The following DENND4C variants were observed in gnomAD, a reference collection of about 807,000 sequenced individuals.
The protein encoded by DENND4C is DENN domain containing 4C.
DENND4C carries 108 observed loss-of-function variants against 203.0 expected under a neutral mutation model. The observed-to-expected ratio is 0.53, with a 90% confidence interval of 0.46 to 0.62. The LOEUF is 0.62. Ranked by LOEUF, DENND4C falls within the 20% of genes least tolerant of loss-of-function variation. DENND4C has a pLI of 0.00. For synonymous variants in DENND4C, 871 were observed against 792.4 expected (o/e 1.10, Z -1.67); for missense variants, 2,481 against 2,301.2 (o/e 1.08, Z -1.60).
At chr9:19,266,021 G>C (rs1323223711) in intron 1 of DENND4C, among the ~76,000 whole-genome samples, 2 of 152,162 alleles carry the variant, frequency 1.3e-5, no homozygotes, top group African/African-American at 4.8e-5. Flanking sequence ...GATCCTTGAG[G>C]AATCGCCACA....
At chr9:19,280,769 T>G (rs898346873) in intron 2 of DENND4C, among the ~76,000 whole-genome samples, 1 of 152,064 alleles carries the variant, frequency 6.6e-6, no homozygotes, top group African/African-American at 2.4e-5. Flanking sequence ...AGACAGTGTC[T>G]CACTGTGGTT....
rs184046911 is a variant in DENND4C, at chr9:19,290,807, G to C, written c.732G>C (p.Trp244Cys). 4.6e-5 allele frequency: 75 copies of C among 1,613,236 alleles called. No individual in the cohort carries two copies. The highest frequency in any genetic ancestry group is 8.5e-6 in the Non-Finnish European group (10 of 1,179,550). The change falls in exon 5 of 33, where the codon TGG becomes TGC. Residue 244 changes from tryptophan (W) to cysteine (C), a missense_variant. Trp to Cys is a radical substitution (Grantham distance 215). Transcript: ENST00000434457. The stretch of plus-strand genomic sequence containing the variant: ...CTATGGGAGCTACTATTGAGTGCTG[G>C]GATCCTGAAACCAAATATCCACTTC... ...CLPMGATIEC[W>C]DPETKYPLPV...
chr9:19,263,569 A>G (rs1829857286), intron 1 of DENND4C, among the ~76,000 whole-genome samples: 1 of 151,368 alleles, frequency 6.6e-6, no homozygotes, highest in South Asian at 2.1e-4. Context: ...CTGTTGGCCA[A>G]GCTGGTCTTG....
In DENND4C at chr9:19,328,045, A is replaced by G. The variant is rs1818194054; in HGVS notation, c.2136A>G (p.Pro712=). 1 of 1,603,896 alleles carries G rather than the reference A, an allele frequency of 6.2e-7. No homozygotes were observed. The highest frequency in any genetic ancestry group is 1.7e-5 in the Admixed American group (1 of 57,480). ...LSPKYSYKYF[P]RLDLKLFDRP... ...TTTATTTTAGTTACAAATACTTTCC[A>G]AGACTGGACCTTAAGCTTTTTGACA... The change falls in exon 16 of 33, where the codon CCA becomes CCG. Residue 712 remains proline (P), a synonymous_variant. Transcript: ENST00000434457.
intron 9 of DENND4C, among the ~76,000 whole-genome samples, chr9:19,302,830 A>G (rs1055700727): frequency 3.9e-5 from 6 of 152,102 alleles, no homozygotes; most frequent in Non-Finnish European, 7.4e-5. Flanking sequence ...GTTCCTTCTC[A>G]TTAAAGCACT....
chr9:19,305,790 C>T (rs1588883761), intron 10 of DENND4C, among the ~76,000 whole-genome samples: 1 of 152,088 alleles, frequency 6.6e-6, no homozygotes, highest in African/African-American at 2.4e-5. Flanking sequence ...TCAGAAGAGA[C>T]TATGAGTTGG....
At position 19,346,741 on chromosome 9, in the gene DENND4C, G is replaced by A; in HGVS notation, c.3972G>A (p.Arg1324=). The A allele has an allele frequency of 6.2e-7, 1 of 1,614,168 alleles. No homozygotes were observed. The highest frequency in any genetic ancestry group is 8.5e-7 in the Non-Finnish European group (1 of 1,180,018). The change falls in exon 23 of 33, where the codon AGG becomes AGA. Residue 1324 remains arginine (R), a synonymous_variant. Coordinates refer to ENST00000434457, the MANE Select transcript of DENND4C (RefSeq NM_001330640.2). The part of the protein sequence containing the change: ...MTTAFIHALE[R]RSSLPLDHGS... Reference sequence around the variant, plus strand: ...CTGCATTTATTCATGCTCTAGAGAGGAGATCAAGCCTACCTTTAGATCATG... The same window carrying A: ...CTGCATTTATTCATGCTCTAGAGAGAAGATCAAGCCTACCTTTAGATCATG...
chr9:19,285,685 A>G lies in DENND4C; in HGVS notation c.306-1084A>G, dbSNP rs1039275539. Among the ~76,000 whole-genome samples the G allele has an allele frequency of 3.3e-5, 5 of 151,784 alleles. 1 individual carries two copies. Among genetic ancestry groups the G allele is most frequent in the South Asian group, 4.1e-4 (2 of 4,826 alleles). ...ACAAAGATTTATTTCTGTTTTTCAA[A>G]GAGTGCTATAGTTCTTACATTGATT... On this transcript the variant is annotated intron_variant, in intron 2 of 32. Transcript: ENST00000434457.
chr9:19,316,276 C>T (rs1411928868), intron 10 of DENND4C, 141 bp from the exon 11 acceptor site: 8 of 617,018 alleles, frequency 1.3e-5, no homozygotes, highest in Middle Eastern at 4.3e-4. Flanking sequence ...TTGAAATTCA[C>T]TTATTCAAAT....
chr9:19,274,650 A>G (rs1832497375), intron 1 of DENND4C, among the ~76,000 whole-genome samples: 1 of 152,136 alleles, frequency 6.6e-6, no homozygotes, highest in Non-Finnish European at 1.5e-5. Flanking sequence ...GTTGTTTCTT[A>G]TGCTCTATCT....
chr9:19,236,966 C>G (rs556781933), intron 1 of DENND4C, among the ~76,000 whole-genome samples: 1 of 152,104 alleles, frequency 6.6e-6, no homozygotes, highest in African/African-American at 2.4e-5. Context: ...GAATTTCTTT[C>G]TTTTTCTTCC....
intron 16 of DENND4C, among the ~76,000 whole-genome samples, chr9:19,330,332 G>GTTT (rs1818786213): frequency 1.1e-5 from 1 of 90,788 alleles, no homozygotes; most frequent in Non-Finnish European, 2.3e-5. Context: ...ATACCAAGTT[G>GTTT]GTTTTTTTTT....
chr9:19,353,977 C>T lies in DENND4C; in HGVS notation c.4781+1312C>T, dbSNP rs139836056. The stretch of plus-strand genomic sequence containing the variant: ...TAAGTCAAATCATACTCTTTAATTC[C>T]TGACACACTATCATCTTTGGACTGT... On this transcript the variant is annotated intron_variant, in intron 26 of 32. Coordinates refer to ENST00000434457, the MANE Select transcript of DENND4C (RefSeq NM_001330640.2). 9.3e-4 allele frequency among the ~76,000 whole-genome samples: 141 copies of T among 152,284 alleles called. 1 individual carries two copies. The highest frequency in any genetic ancestry group is 3.4e-3 in the Middle Eastern group (1 of 292).
intron 30 of DENND4C, among the ~76,000 whole-genome samples, chr9:19,367,443 T>A (rs1448739218): frequency 6.6e-6 from 1 of 152,232 alleles, no homozygotes; most frequent in Non-Finnish European, 1.5e-5. Flanking sequence ...TCTATCAGTC[T>A]ATGAATTGAG....
At chr9:19,345,656 A>AT (rs1822717165) in intron 22 of DENND4C, among the ~76,000 whole-genome samples, 1 of 152,200 alleles carries the variant, frequency 6.6e-6, no homozygotes, top group Admixed American at 6.5e-5. Context: ...TCCATCTATC[A>AT]TATGTTGCAT....
In DENND4C at chr9:19,264,916, G is replaced by T. The variant is rs146402207; in HGVS notation, c.-17-11242G>T. Among the ~76,000 whole-genome samples the T allele has an allele frequency of 2.6e-3, 390 of 151,852 alleles. 1 individual carries two copies. Among genetic ancestry groups the T allele is most frequent in the African/African-American group, 9.2e-3 (383 of 41,430 alleles). On this transcript the variant is annotated intron_variant, in intron 1 of 32. Transcript: ENST00000434457. ...AAGTTTTTCTACTTTTTTGATGTAGGCACTTTTGCTATAAACTTTCTTCAT... is the reference window on the plus strand; with the variant it reads ...AAGTTTTTCTACTTTTTTGATGTAGTCACTTTTGCTATAAACTTTCTTCAT...
chr9:19,300,142 G>C, intron 8 of DENND4C, 45 bp from the exon 9 acceptor site: 1 of 1,520,964 alleles, frequency 6.6e-7, no homozygotes, highest in South Asian at 1.3e-5. Context: ...ACATATTTCA[G>C]CAAAATAGTT....
intron 6 of DENND4C, 104 bp downstream of exon 6, chr9:19,296,350 T>G: frequency 1.3e-6 from 1 of 773,906 alleles, no homozygotes; most frequent in Non-Finnish European, 2.1e-6. Flanking sequence ...GAAGGAAGCC[T>G]GCATTTAACT....
In DENND4C at chr9:19,325,949, A is replaced by G. The variant is rs766805506; in HGVS notation, c.1964A>G (p.Asp655Gly). 1.7e-5 allele frequency: 27 copies of G among 1,607,686 alleles called. No homozygotes were observed. The highest frequency in any genetic ancestry group is 1.9e-5 in the Non-Finnish European group (22 of 1,177,514). ...TTTCTTTTTTTCTAGTTGTTTCCTG[A>G]TAAAGGCACAGAGAAAACAGATAAG... ...FDDCIEKLFPDKGTEKTDKVD... is the reference protein window; with the variant it reads ...FDDCIEKLFPGKGTEKTDKVD... The change falls in exon 14 of 33, where the codon GAT becomes GGT. Residue 655 changes from aspartate to glycine, a missense_variant. Around this residue, in one of 3 missense-constraint regions of DENND4C, gnomAD observed 2,289 missense variants for 2,113.3 expected, o/e 1.08. Coordinates refer to ENST00000434457, the MANE Select transcript of DENND4C (RefSeq NM_001330640.2).
Sources: gnomAD v4.1 joint callset for allele counts (sites outside exome capture counted in the v4.1 genomes callset) on GRCh38, gnomAD v4.1.1 for gene constraint, gnomAD v4.1.1 regional missense constraint, MANE v1.5 for transcripts, NCBI Gene and HGNC (gene_info 2026-07-23, HGNC 2026-07-21) for gene names.